EDEM3: variants seen among roughly 807,000 people sequenced by gnomAD.
EDEM3 encodes the protein ER degradation-enhancing alpha-mannosidase-like protein 3.
A neutral mutation model predicts 110.2 loss-of-function variants in EDEM3; 60 were observed. That is an observed-to-expected ratio of 0.54 (90% CI 0.44 to 0.67). EDEM3 has a LOEUF of 0.67. Ranked by LOEUF, EDEM3 falls within the 30% of genes least tolerant of loss-of-function variation. EDEM3 has a pLI of 0.00. For synonymous variants in EDEM3, 352 were observed against 382.9 expected (o/e 0.92, Z 0.94); for missense variants, 996 against 1,121.0 (o/e 0.89, Z 1.59).
Position 184,706,701 on chromosome 1 carries a change from C to G in EDEM3, c.2145G>C (p.Met715Ile). ...GGATGTTGCGTGCCTTTTCTGCAAACATGCACTGTCCTCTTTGTATCAGTG... is the reference window on the plus strand; with the variant it reads ...GGATGTTGCGTGCCTTTTCTGCAAAGATGCACTGTCCTCTTTGTATCAGTG... ...KIALIQRGQC[M>I]FAEKARNIQN... is the part of the protein sequence containing the mutation. The change falls in exon 18 of 20, where the codon ATG (methionine) becomes ATC (isoleucine). Residue 715 changes from methionine (M) to isoleucine (I), a missense_variant. By Grantham distance (10) the Met-to-Ile change is conservative (BLOSUM62 1). Coordinates refer to ENST00000318130, the MANE Select transcript of EDEM3 (RefSeq NM_025191.4). 6.2e-7 allele frequency: 1 copy of G among 1,613,948 alleles called. No homozygotes were observed. Among genetic ancestry groups the G allele is most frequent in the Non-Finnish European group, 8.5e-7 (1 of 1,179,876 alleles).
intron 7 of EDEM3, 96 bp downstream of exon 7, chr1:184,726,159 A>G (rs1241045517): frequency 6.9e-7 from 1 of 1,446,366 alleles, no homozygotes; most frequent in African/African-American, 1.4e-5. Context: ...AATAACAGTA[A>G]TTCTCCAACT....
chr1:184,715,392 T>C (rs1650489471), intron 13 of EDEM3, among the ~76,000 whole-genome samples: 1 of 152,228 alleles, frequency 6.6e-6, no homozygotes, highest in Non-Finnish European at 1.5e-5. Context: ...ACATATCACA[T>C]GGTTGTGATT....
intron 6 of EDEM3, among the ~76,000 whole-genome samples, chr1:184,728,426 A>C (rs941179754): frequency 1.3e-5 from 2 of 152,164 alleles, no homozygotes; most frequent in Non-Finnish European, 2.9e-5. Context: ...CTTAAAATGG[A>C]AATACTTTGA....
intron 13 of EDEM3, among the ~76,000 whole-genome samples, chr1:184,713,123 G>A (rs552801187): frequency 4.6e-5 from 7 of 152,122 alleles, no homozygotes; most frequent in South Asian, 4.1e-4. Flanking sequence ...AAAATTAGCC[G>A]GGTGTCGTGC....
At chr1:184,717,035 T>C (rs892548248) in intron 12 of EDEM3, 23 bp from the exon 13 acceptor site, 1 of 1,542,344 alleles carries the variant, frequency 6.5e-7, no homozygotes, top group Non-Finnish European at 8.9e-7. Flanking sequence ...AGAATATATG[T>C]ATAATATATA....
At chr1:184,697,402 A>T (rs1283786625) in intron 19 of EDEM3, among the ~76,000 whole-genome samples, 1 of 151,938 alleles carries the variant, frequency 6.6e-6, no homozygotes, top group Non-Finnish European at 1.5e-5. Flanking sequence ...GGAACAGCAT[A>T]TGTCAAAGAG....
chr1:184,749,034 C>A (rs184942509), intron 2 of EDEM3, among the ~76,000 whole-genome samples: 120 of 152,226 alleles, frequency 7.9e-4, no homozygotes, highest in African/African-American at 2.8e-3. Context: ...ACTGAAACTG[C>A]TATTTAATCT....
chr1:184,722,508 T>C (rs928713276), intron 8 of EDEM3, among the ~76,000 whole-genome samples: 1 of 152,006 alleles, frequency 6.6e-6, no homozygotes, highest in Non-Finnish European at 1.5e-5. Context: ...TTCAATATTT[T>C]GCTTTTAGGA....
intron 19 of EDEM3, among the ~76,000 whole-genome samples, chr1:184,695,411 G>A (rs941623256): frequency 1.3e-5 from 2 of 151,962 alleles, no homozygotes; most frequent in African/African-American, 4.8e-5. Context: ...ACTGTGACAC[G>A]TTATGAAAGA....
chr1:184,744,748 A>G (rs1180965160), intron 2 of EDEM3, among the ~76,000 whole-genome samples: 2 of 152,114 alleles, frequency 1.3e-5, no homozygotes, highest in African/African-American at 4.8e-5. Flanking sequence ...GAATTACAAT[A>G]TATCTCCAAT....
rs1014960259 is a variant in EDEM3, at chr1:184,744,286, A to G, written c.204+5261T>C. On this transcript the variant is annotated intron_variant, in intron 2 of 19. Transcript: ENST00000318130. ...TATATATATATATATATATATATAT[A>G]TATATATGAATAGCAAATAAGCATA... Among the ~76,000 whole-genome samples the G allele has an allele frequency of 2.3e-3, 284 of 124,064 alleles. 2 individuals are homozygous for G. Among genetic ancestry groups the G allele is most frequent in the Admixed American group, 7.0e-3 (86 of 12,354 alleles). 81.4% of individuals were successfully genotyped at this position (124,064 alleles called of 152,430 possible). A position where few individuals can be genotyped will look rare whatever the true frequency, so the allele number is the denominator to read the frequency against.
Position 184,750,582 on chromosome 1 carries a change from A to G in EDEM3, c.159-990T>C, listed in dbSNP as rs186881589. Among the ~76,000 whole-genome samples, 430 of 150,196 alleles carry G rather than the reference A, an allele frequency of 2.9e-3. 5 individuals are homozygous for G. The East Asian group carries it at 0.036, about 13-fold the overall frequency. On this transcript the variant is annotated intron_variant, in intron 1 of 19. Transcript: ENST00000318130. ...GGCTAGAGTGCAGTGGCACGATCTCAGCTCACTGCAACCTTCACCTCCCAG... is the reference window on the plus strand; with the variant it reads ...GGCTAGAGTGCAGTGGCACGATCTCGGCTCACTGCAACCTTCACCTCCCAG...
At chr1:184,741,443 C>T (rs1311804977) in intron 2 of EDEM3, among the ~76,000 whole-genome samples, 3 of 151,798 alleles carry the variant, frequency 2.0e-5, no homozygotes, top group African/African-American at 7.3e-5. Flanking sequence ...ATGAAATGAC[C>T]TTAAATTTCA....
chr1:184,716,857 T>G, intron 13 of EDEM3, 31 bp downstream of exon 13: 4 of 1,609,358 alleles, frequency 2.5e-6, no homozygotes, highest in Non-Finnish European at 3.4e-6. Flanking sequence ...AGAGAGACCC[T>G]GAGGAAAGAG....
chr1:184,753,958 A>C (rs1282386896), intron 1 of EDEM3, among the ~76,000 whole-genome samples: 1 of 152,248 alleles, frequency 6.6e-6, no homozygotes, highest in African/African-American at 2.4e-5. Flanking sequence ...CCCCCCAAAC[A>C]TTCTATTATG....
At chr1:184,706,493 TAA>T (rs1353939739) in intron 18 of EDEM3, 148 bp downstream of exon 18, 10 of 581,390 alleles carry the variant, frequency 1.7e-5, no homozygotes, top group Admixed American at 1.4e-4. Context: ...ATCTAGAAAT[TAA>T]AAGTCATTGG....
At chr1:184,711,683 A>G in intron 15 of EDEM3, 40 bp downstream of exon 15, 1 of 1,522,638 alleles carries the variant, frequency 6.6e-7, no homozygotes, top group Non-Finnish European at 8.8e-7. Context: ...TTACTAAGAA[A>G]CAACTTTGAT....
intron 19 of EDEM3, among the ~76,000 whole-genome samples, chr1:184,701,143 T>C (rs1460198782): frequency 1.3e-5 from 2 of 152,008 alleles, no homozygotes; most frequent in African/African-American, 4.8e-5. Context: ...TCCTAACCCA[T>C]GTACCATACA....
rs146461491 is a variant in EDEM3, at chr1:184,716,896, A to T, written c.1362T>A (p.His454Gln). The stretch of plus-strand genomic sequence containing the variant: ...GTTAGCAATTGTTTTACCTGTCCTC[A>T]TGACTTCCAGTACGAACATCCTTCA... Reference protein sequence around the residue: ...AAMKDVRTGSHEDRMDSFFLA... With the variant: ...AAMKDVRTGSQEDRMDSFFLA... Residue 454 changes from histidine to glutamine, a missense_variant, in exon 13 of 20, where the codon CAT becomes CAA. Coordinates refer to ENST00000318130, the MANE Select transcript of EDEM3 (RefSeq NM_025191.4). 124 of 1,613,182 alleles carry T rather than the reference A, an allele frequency of 7.7e-5. No individual in the cohort carries two copies. The African/African-American group carries it at 1.5e-3, about 20-fold the overall frequency.
Sources: allele counts gnomAD v4.1 joint callset (sites outside exome capture counted in the v4.1 genomes callset), GRCh38; gene constraint gnomAD v4.1.1; transcripts MANE v1.5; gene names NCBI Gene and HGNC (gene_info 2026-07-23, HGNC 2026-07-21).